KIR2DL3: variants seen among roughly 807,000 people sequenced by gnomAD.
The protein encoded by KIR2DL3 is killer cell immunoglobulin like receptor, two Ig domains and long cytoplasmic tail 3, also known as killer cell immunoglobulin-like receptor 2DL3.
In KIR2DL3, 39 loss-of-function variants were observed where a neutral mutation model predicts 33.8. The ratio of observed to expected loss-of-function variants is 1.15; its 90% CI spans 0.89 to 1.51. The LOEUF is 1.51. Ranked by LOEUF, KIR2DL3 falls within the 40% of genes most tolerant of loss-of-function variation. KIR2DL3 has a pLI of 0.00. For missense variants in KIR2DL3, 462 were observed against 426.2 expected, an observed-to-expected ratio of 1.08 and a Z score of -0.74; for synonymous variants, 174 against 160.2, an observed-to-expected ratio of 1.09 and a Z score of -0.65.
chr19:54,740,332 A>G (rs1423103054), intron 2 of KIR2DL3, among the ~76,000 whole-genome samples: 1 of 151,880 alleles, frequency 6.6e-6, no homozygotes, highest in Non-Finnish European at 1.5e-5. Context: ...AGGACATGTC[A>G]TTCTTCGGTG....
chr19:54,748,769 C>T (rs1271573987), intron 5 of KIR2DL3, among the ~76,000 whole-genome samples: 1 of 145,658 alleles, frequency 6.9e-6, no homozygotes, highest in Non-Finnish European at 1.5e-5. Context: ...TTACAGGCAA[C>T]TGCCACCGTG....
chr19:54,740,916 T>C (rs1041559764), intron 2 of KIR2DL3, among the ~76,000 whole-genome samples: 1 of 151,112 alleles, frequency 6.6e-6, no homozygotes, highest in Non-Finnish European at 1.5e-5. Flanking sequence ...TTCACCAGCT[T>C]TGAAGGTGGA....
chr19:54,740,833 A>G (rs1418333122), intron 2 of KIR2DL3, among the ~76,000 whole-genome samples: 15 of 152,008 alleles, frequency 9.9e-5, no homozygotes, highest in African/African-American at 3.4e-4. Flanking sequence ...CACTGGGCTC[A>G]GTGTAATCAC....
intron 5 of KIR2DL3, among the ~76,000 whole-genome samples, chr19:54,750,667 T>G (rs1248790483): frequency 1.5e-5 from 2 of 137,324 alleles, no homozygotes; most frequent in Admixed American, 7.5e-5. Flanking sequence ...CACCTGGGCT[T>G]ATGCCAATTC....
chr19:54,751,270 A>G (rs1461305060), intron 5 of KIR2DL3, among the ~76,000 whole-genome samples: 1 of 130,916 alleles, frequency 7.6e-6, no homozygotes, highest in African/African-American at 2.9e-5. Context: ...CTTTTGAACA[A>G]CCAGCTCTCC....
chr19:54,742,431 C>T, intron 3 of KIR2DL3, 152 bp downstream of exon 3: 2 of 1,158,708 alleles, frequency 1.7e-6, no homozygotes, highest in South Asian at 2.7e-5. Context: ...GACAGAGAAA[C>T]AGGAGACACA....
chr19:54,740,475 C>G (rs1466973529), intron 2 of KIR2DL3, among the ~76,000 whole-genome samples: 9 of 145,902 alleles, frequency 6.2e-5, no homozygotes, highest in South Asian at 2.3e-4. Flanking sequence ...CAGGGACATA[C>G]AGATGTCGGG....
chr19:54,741,392 T>C (rs1182852494), intron 2 of KIR2DL3, among the ~76,000 whole-genome samples: 4 of 151,356 alleles, frequency 2.6e-5, no homozygotes, highest in Non-Finnish European at 4.4e-5. Context: ...TTGGCTACCC[T>C]GAGATCAGCA....
At chr19:54,747,532 G>A (rs2072739588) in intron 5 of KIR2DL3, 147 bp downstream of exon 5, 3 of 1,108,842 alleles carry the variant, frequency 2.7e-6, no homozygotes, top group Admixed American at 3.6e-5. Flanking sequence ...AACAGCGAAA[G>A]GGATCTGGGC....
intron 2 of KIR2DL3, among the ~76,000 whole-genome samples, chr19:54,741,269 G>A (rs1639428): frequency 0.36 from 53,384 of 148,166 alleles, 10,100 homozygotes; most frequent in Middle Eastern, 0.44. Flanking sequence ...GAACCCAGGA[G>A]ACAGAGGTTG....
chr19:54,747,256 T>C (rs1299985854), intron 4 of KIR2DL3, 79 bp from the exon 5 acceptor site: 21 of 1,567,326 alleles, frequency 1.3e-5, no homozygotes, highest in East Asian at 2.2e-5. Flanking sequence ...GTGTTGGCCA[T>C]GAACCAACCT....
intron 4 of KIR2DL3, among the ~76,000 whole-genome samples, chr19:54,746,165 G>A (rs1301129434): frequency 6.7e-5 from 9 of 134,142 alleles, no homozygotes; most frequent in South Asian, 2.6e-4. Context: ...TTTAATTTGT[G>A]TTTCTCTGAT....
intron 2 of KIR2DL3, among the ~76,000 whole-genome samples, chr19:54,739,862 G>C (rs370527875): frequency 0.059 from 8,983 of 152,034 alleles, 320 homozygotes; most frequent in African/African-American, 0.11. Flanking sequence ...CAGTGTGGCT[G>C]CTGTCATTCT....
rs1466053580 is a variant in KIR2DL3 at position 54,751,941 on chromosome 19, T to A, written c.820+188T>A. On this transcript the variant is annotated intron_variant, in intron 6 of 7. Coordinates refer to ENST00000342376, the MANE Select transcript of KIR2DL3 (RefSeq NM_015868.3). Reference sequence around the variant, plus strand: ...CTTCAGCTCACAGACCATTGCCTGATTCTGAACTGTATCCTCATGTCCCCT... The same window carrying A: ...CTTCAGCTCACAGACCATTGCCTGAATCTGAACTGTATCCTCATGTCCCCT... 3.0e-5 allele frequency among the ~76,000 whole-genome samples: 4 copies of A among 133,622 alleles called. 1 individual carries two copies. Among genetic ancestry groups the A allele is most frequent in the African/African-American group, 8.4e-5 (3 of 35,562 alleles). 87.7% of individuals were successfully genotyped at this position (133,622 alleles called of 152,430 possible). A position where few individuals can be genotyped will look rare whatever the true frequency, so the allele number is the denominator to read the frequency against.
intron 4 of KIR2DL3, among the ~76,000 whole-genome samples, chr19:54,745,358 C>G (rs1298814635): frequency 6.8e-6 from 1 of 147,958 alleles, no homozygotes; most frequent in African/African-American, 2.5e-5. Context: ...TTTAGTTATT[C>G]GTTTGTTGTT....
chr19:54,739,179 G>C (rs1469304043), intron 1 of KIR2DL3, among the ~76,000 whole-genome samples: 2 of 151,318 alleles, frequency 1.3e-5, no homozygotes, highest in Non-Finnish European at 3.0e-5. Context: ...TATGGGCTTA[G>C]GGTGGAGATC....
chr19:54,752,534 C>T lies in KIR2DL3; in HGVS notation c.*15C>T. The T allele has an allele frequency of 4.8e-6, 7 of 1,463,368 alleles. 1 individual carries two copies. The highest frequency in any genetic ancestry group is 2.3e-5 in the East Asian group (1 of 44,276). The allele number at this position is 1,463,368 out of a possible 1,614,324, so 90.6% of individuals were successfully genotyped here. A position where few individuals can be genotyped will look rare whatever the true frequency, so the allele number is the denominator to read the frequency against. ...CTGAGCCCTGATCCAAAGTTGTCTCCTGCCCATGAGCACCACAGTCAGGCC... is the reference window on the plus strand; with the variant it reads ...CTGAGCCCTGATCCAAAGTTGTCTCTTGCCCATGAGCACCACAGTCAGGCC... On this transcript the variant is annotated 3_prime_UTR_variant, in exon 8 of 8. Coordinates refer to ENST00000342376, the MANE Select transcript of KIR2DL3 (RefSeq NM_015868.3).
chr19:54,752,258 T>A lies in KIR2DL3; in HGVS notation c.863T>A (p.Val288Glu). 6.8e-7 allele frequency: 1 copy of A among 1,473,310 alleles called. No homozygotes were observed. The highest frequency in any genetic ancestry group is 9.2e-7 in the Non-Finnish European group (1 of 1,081,766). 91.3% of individuals were successfully genotyped at this position (1,473,310 alleles called of 1,614,324 possible). The stretch of plus-strand genomic sequence containing the variant: ...CAAGAGCCTGCAGGGAACAGAACAG[T>A]GAACAGGGAGGTAGGTGCTCCTCGG... ...MDQEPAGNRT[V>E]NREDSDEQDP... The change falls in exon 7 of 8, where the codon GTG becomes GAG. Residue 288 changes from valine to glutamate, a missense_variant. Val to Glu is a moderately radical substitution (Grantham distance 121, BLOSUM62 -2). Transcript: ENST00000342376.
chr19:54,743,665 G>A (rs1168196808), intron 3 of KIR2DL3, 130 bp from the exon 4 acceptor site: 2 of 960,362 alleles, frequency 2.1e-6, no homozygotes, highest in Middle Eastern at 3.5e-4. Flanking sequence ...GAAGAGAGAT[G>A]GGGTGGAGGG....
Sources: allele counts gnomAD v4.1 joint callset (sites outside exome capture counted in the v4.1 genomes callset), GRCh38; gene constraint gnomAD v4.1.1; transcripts MANE v1.5; gene names NCBI Gene and HGNC (gene_info 2026-07-23, HGNC 2026-07-21).